CNTN1: variants seen among roughly 807,000 people sequenced by gnomAD.
CNTN1 encodes contactin-1.
CNTN1 carries 38 observed loss-of-function variants against 126.4 expected under a neutral mutation model. The ratio of observed to expected loss-of-function variants is 0.30; its 90% confidence interval spans 0.23 to 0.39. The LOEUF (loss-of-function observed/expected upper bound fraction) is 0.39. Among genes scored for constraint, CNTN1 ranks in the 10% least tolerant of loss-of-function variants. The pLI, the probability that CNTN1 is intolerant of heterozygous loss-of-function variation, is 1.00. For synonymous variants in CNTN1, 413 were observed against 422.6 expected (o/e 0.98, Z 0.28); for missense variants, 1,009 against 1,248.4 (o/e 0.81, Z 2.89).
intron 16 of CNTN1, among the ~76,000 whole-genome samples, chr12:40,990,360 G>A (rs957211768): frequency 2.0e-5 from 3 of 152,052 alleles, no homozygotes; most frequent in South Asian, 4.1e-4. Flanking sequence ...CTTGCACTTC[G>A]TTTTCCCCCT....
At chr12:40,960,740 A>G (rs1179593741) in intron 15 of CNTN1, among the ~76,000 whole-genome samples, 1 of 152,074 alleles carries the variant, frequency 6.6e-6, no homozygotes, top group Non-Finnish European at 1.5e-5. Context: ...TATCTGGGAC[A>G]TTGATTGTTT....
At chr12:41,016,437 A>T (rs1387341829) in intron 18 of CNTN1, among the ~76,000 whole-genome samples, 1 of 152,150 alleles carries the variant, frequency 6.6e-6, no homozygotes, top group Non-Finnish European at 1.5e-5. Context: ...GAAGAAACTG[A>T]AAGGAAAAAG....
intron 14 of CNTN1, among the ~76,000 whole-genome samples, chr12:40,952,212 C>T (rs745822204): frequency 2.0e-5 from 3 of 151,958 alleles, no homozygotes; most frequent in Non-Finnish European, 4.4e-5. Context: ...ACCTATGGAG[C>T]CTTCCACAAG....
At chr12:40,859,368 G>A (rs1943038281) in intron 1 of CNTN1, among the ~76,000 whole-genome samples, 1 of 152,024 alleles carries the variant, frequency 6.6e-6, no homozygotes, top group Non-Finnish European at 1.5e-5. Context: ...TCACACTAAT[G>A]TAAGATGTAG....
At chr12:40,874,173 C>G (rs1480535984) in intron 1 of CNTN1, among the ~76,000 whole-genome samples, 2 of 151,904 alleles carry the variant, frequency 1.3e-5, no homozygotes, top group Non-Finnish European at 2.9e-5. Context: ...GTTTTCCTAT[C>G]TATAAAATTA....
chr12:40,772,632 C>T (rs2136434778), intron 1 of CNTN1, among the ~76,000 whole-genome samples: 1 of 152,018 alleles, frequency 6.6e-6, no homozygotes, highest in South Asian at 2.1e-4. Context: ...AAGTATCATT[C>T]TGTACCTTGA....
At chr12:40,981,998 A>G (rs1319021769) in intron 16 of CNTN1, among the ~76,000 whole-genome samples, 1 of 152,032 alleles carries the variant, frequency 6.6e-6, no homozygotes, top group Admixed American at 6.6e-5. Flanking sequence ...TTATCTTAAC[A>G]TAATGGAAAT....
chr12:40,742,839 C>T (rs116851675), intron 1 of CNTN1, among the ~76,000 whole-genome samples: 73 of 152,150 alleles, frequency 4.8e-4, no homozygotes, highest in East Asian at 4.3e-3. Flanking sequence ...CTGAGTGAAG[C>T]ATTAGCATAT....
chr12:41,062,401 G>A (rs1949954412), intron 23 of CNTN1, among the ~76,000 whole-genome samples: 1 of 152,104 alleles, frequency 6.6e-6, no homozygotes. Flanking sequence ...CTAGTTTCCA[G>A]GCAAGTACAA....
At chr12:40,957,063 A>G (rs531332684) in intron 14 of CNTN1, among the ~76,000 whole-genome samples, 1 of 152,132 alleles carries the variant, frequency 6.6e-6, no homozygotes, top group Non-Finnish European at 1.5e-5. Context: ...GAAAAAAATG[A>G]GTATTTGAGG....
intron 9 of CNTN1, 27 bp downstream of exon 9, chr12:40,933,905 A>G (rs1339030422): frequency 6.4e-7 from 1 of 1,560,044 alleles, no homozygotes; most frequent in Non-Finnish European, 8.8e-7. Context: ...AATTTTGTAT[A>G]AATTTCATCA....
intron 1 of CNTN1, among the ~76,000 whole-genome samples, chr12:40,750,928 C>A (rs1367548562): frequency 6.6e-6 from 1 of 151,852 alleles, no homozygotes; most frequent in African/African-American, 2.4e-5. Flanking sequence ...AATATATGGC[C>A]AGGGAGAACT....
At chr12:40,723,811 A>G (rs1053172399) in intron 1 of CNTN1, among the ~76,000 whole-genome samples, 2 of 152,206 alleles carry the variant, frequency 1.3e-5, no homozygotes, top group African/African-American at 2.4e-5. Flanking sequence ...GATGTGACCA[A>G]GAATCTCTGC....
intron 23 of CNTN1, among the ~76,000 whole-genome samples, chr12:41,064,388 G>GTA (rs1329126323): frequency 6.6e-6 from 1 of 152,154 alleles, no homozygotes; most frequent in Non-Finnish European, 1.5e-5. Context: ...GAAAAACTCA[G>GTA]TATGCCCAGC....
chr12:40,998,265 G>T (rs1245694263), intron 17 of CNTN1, among the ~76,000 whole-genome samples: 1 of 152,026 alleles, frequency 6.6e-6, no homozygotes, highest in African/African-American at 2.4e-5. Context: ...TAACTGGTTT[G>T]GATTCTTCAT....
chr12:41,066,126 TC>T (rs1950045289), intron 23 of CNTN1, among the ~76,000 whole-genome samples: 1 of 152,188 alleles, frequency 6.6e-6, no homozygotes, highest in African/African-American at 2.4e-5. Flanking sequence ...AAAAATAATG[TC>T]GGACCAGGAC....
At chr12:40,950,367 TG>T (rs1946627766) in intron 14 of CNTN1, among the ~76,000 whole-genome samples, 1 of 152,106 alleles carries the variant, frequency 6.6e-6, no homozygotes, top group Admixed American at 6.6e-5. Flanking sequence ...CTGAGAGTAT[TG>T]GGGACACGAA....
At chr12:40,908,837 A>G (rs1944927406) in intron 2 of CNTN1, among the ~76,000 whole-genome samples, 1 of 152,148 alleles carries the variant, frequency 6.6e-6, no homozygotes, top group Non-Finnish European at 1.5e-5. Flanking sequence ...AAGATGTGCA[A>G]CCGCTCACCA....
intron 1 of CNTN1, among the ~76,000 whole-genome samples, chr12:40,780,467 T>C (rs1939748806): frequency 6.6e-6 from 1 of 151,914 alleles, no homozygotes; most frequent in South Asian, 2.1e-4. Context: ...AGCTACAATA[T>C]GGCAGCTACA....
Sources: allele counts gnomAD v4.1 joint callset (sites outside exome capture counted in the v4.1 genomes callset), GRCh38; gene constraint gnomAD v4.1.1; transcripts MANE v1.5; gene names NCBI Gene and HGNC (gene_info 2026-07-23, HGNC 2026-07-21).